The following SNTB2 variants were observed in gnomAD, a reference collection of about 807,000 sequenced individuals.
SNTB2 encodes syntrophin beta 2, also known as beta-2-syntrophin.
Under a neutral mutation model 46.2 loss-of-function variants are expected in SNTB2, and 34 were observed. That is an observed-to-expected ratio of 0.74 (90% confidence interval 0.56 to 0.98). The LOEUF (loss-of-function observed/expected upper bound fraction) is 0.98, where lower values mean the gene tolerates loss of function less well. Ranked by LOEUF, SNTB2 falls within the 50% of genes least tolerant of loss-of-function variation. The pLI is 0.00. For missense variants in SNTB2, 603 were observed against 731.4 expected (o/e 0.82, Z 2.02); for synonymous variants, 290 against 312.6 (o/e 0.93, Z 0.76).
At chr16:69,217,005 A>C (rs1185965987) in intron 1 of SNTB2, among the ~76,000 whole-genome samples, 1 of 152,078 alleles carries the variant, frequency 6.6e-6, no homozygotes, top group Non-Finnish European at 1.5e-5. Context: ...AAGCCTACTG[A>C]CTTAAATATT....
At chr16:69,239,823 G>T (rs1207032349) in intron 1 of SNTB2, among the ~76,000 whole-genome samples, 3 of 152,108 alleles carry the variant, frequency 2.0e-5, no homozygotes, top group Non-Finnish European at 2.9e-5. Flanking sequence ...GGGATTACAG[G>T]CATGAGCCAC....
At chr16:69,207,298 C>T (rs1324529538) in intron 1 of SNTB2, among the ~76,000 whole-genome samples, 4 of 151,604 alleles carry the variant, frequency 2.6e-5, no homozygotes, top group African/African-American at 4.8e-5. Flanking sequence ...GGACTATAGG[C>T]GTGTGCCACC....
intron 2 of SNTB2, among the ~76,000 whole-genome samples, chr16:69,246,339 C>T (rs985838249): frequency 4.0e-5 from 6 of 151,802 alleles, no homozygotes; most frequent in African/African-American, 1.5e-4. Context: ...TTGTCTTTGG[C>T]TCTGTTTATA....
intron 3 of SNTB2, among the ~76,000 whole-genome samples, chr16:69,265,608 C>G (rs541513478): frequency 6.6e-6 from 1 of 152,088 alleles, no homozygotes; most frequent in East Asian, 1.9e-4. Flanking sequence ...GCAGGCGTAT[C>G]ACGAGGTCAG....
intron 1 of SNTB2, among the ~76,000 whole-genome samples, chr16:69,241,472 A>G (rs1964613897): frequency 6.7e-6 from 1 of 149,224 alleles, no homozygotes; most frequent in Non-Finnish European, 1.5e-5. Context: ...CACCATGCTC[A>G]GCACCAGCCT....
intron 2 of SNTB2, among the ~76,000 whole-genome samples, chr16:69,246,375 G>A (rs534230399): frequency 5.3e-5 from 8 of 151,740 alleles, no homozygotes; most frequent in Admixed American, 2.6e-4. Flanking sequence ...ATTGATTTGC[G>A]TATATTGAAC....
intron 1 of SNTB2, among the ~76,000 whole-genome samples, chr16:69,202,607 G>A (rs1052134272): frequency 4.0e-5 from 6 of 151,492 alleles, no homozygotes; most frequent in Non-Finnish European, 1.5e-5. Context: ...ACGACGTCTC[G>A]CTCTGTCTCC....
intron 1 of SNTB2, 125 bp downstream of exon 1, chr16:69,187,871 T>A (rs1021018693): frequency 1.3e-6 from 1 of 775,476 alleles, no homozygotes; most frequent in Non-Finnish European, 1.9e-6. Flanking sequence ...AACCCGGGTT[T>A]CTGGAGCTTT....
intron 1 of SNTB2, among the ~76,000 whole-genome samples, chr16:69,209,925 A>G (rs1964262325): frequency 6.6e-6 from 1 of 151,862 alleles, no homozygotes; most frequent in African/African-American, 2.4e-5. Flanking sequence ...TTAGCAAGAT[A>G]GTGTAGACAT....
intron 4 of SNTB2, among the ~76,000 whole-genome samples, chr16:69,278,889 AGTGTGTGTGTGTGTGTGTGT>A (rs71148981): frequency 7.1e-6 from 1 of 141,002 alleles, no homozygotes; most frequent in South Asian, 2.4e-4. Flanking sequence ...AGGTGGGAAG[AGTGTGTGTGTGTGTGTGTGT>A]GTGTGTGTGT....
At position 69,207,154 on chromosome 16, in the gene SNTB2, C is replaced by CTTTCTTT. The variant is rs771500331; in HGVS notation, c.580+19411_580+19412insCTTTTTT. ...TCCTTTTCTTTTCTTTTCTTTCTTTCTTTTTTTTTTTTTTTTGAGAGATGG... is the reference window on the plus strand; with the variant it reads ...TCCTTTTCTTTTCTTTTCTTTCTTTCTTTCTTTTTTTTTTTTTTTTTTTGAGAGATGG... On this transcript the variant is annotated intron_variant, in intron 1 of 6. Coordinates refer to ENST00000336278, the MANE Select transcript of SNTB2 (RefSeq NM_006750.4). Among the ~76,000 whole-genome samples, 862 of 126,460 alleles carry CTTTCTTT rather than the reference C, an allele frequency of 6.8e-3. 13 individuals are homozygous for CTTTCTTT. The highest frequency in any genetic ancestry group is 0.01 in the Non-Finnish European group (632 of 60,304). 83.0% of individuals were successfully genotyped at this position (126,460 alleles called of 152,430 possible).
intron 1 of SNTB2, among the ~76,000 whole-genome samples, chr16:69,239,940 A>G (rs188177456): frequency 4.6e-5 from 7 of 152,262 alleles, no homozygotes; most frequent in African/African-American, 1.7e-4. Flanking sequence ...GATTCATCCA[A>G]GTTACTGAGT....
Position 69,199,241 on chromosome 16 carries a change from T to C in SNTB2, c.580+11495T>C, listed in dbSNP as rs187361611. 3.3e-5 allele frequency among the ~76,000 whole-genome samples: 5 copies of C among 152,230 alleles called. No homozygotes were observed. In the East Asian group the frequency reaches 9.7e-4, roughly 29 times the overall value. ...TAAAAATATTTTAGCTATAATTGAA[T>C]CTTAGTTTGATGATTCAGATGGAAC... is the stretch of plus-strand genomic sequence containing the variant. On this transcript the variant is annotated intron_variant, in intron 1 of 6. Coordinates refer to ENST00000336278, the MANE Select transcript of SNTB2 (RefSeq NM_006750.4).
At chr16:69,259,845 G>A (rs1334575051) in intron 2 of SNTB2, among the ~76,000 whole-genome samples, 1 of 151,138 alleles carries the variant, frequency 6.6e-6, no homozygotes, top group East Asian at 1.9e-4. Flanking sequence ...CCTGAGCTCA[G>A]GCAATCCCCC....
At chr16:69,187,871 T>G (rs1021018693) in intron 1 of SNTB2, 125 bp downstream of exon 1, 24 of 775,356 alleles carry the variant, frequency 3.1e-5, no homozygotes, top group Non-Finnish European at 3.9e-5. Context: ...AACCCGGGTT[T>G]CTGGAGCTTT....
intron 1 of SNTB2, among the ~76,000 whole-genome samples, chr16:69,240,093 G>T (rs534425462): frequency 6.6e-6 from 1 of 152,106 alleles, no homozygotes. Context: ...GAACATTAGT[G>T]TACAGGCTTT....
intron 2 of SNTB2, among the ~76,000 whole-genome samples, chr16:69,254,558 A>G (rs2143071306): frequency 6.6e-6 from 1 of 152,336 alleles, no homozygotes; most frequent in Non-Finnish European, 1.5e-5. Flanking sequence ...AAAACTTGAC[A>G]AGTTGAACCT....
intron 3 of SNTB2, among the ~76,000 whole-genome samples, chr16:69,265,203 C>G (rs958276343): frequency 4.0e-5 from 6 of 151,836 alleles, no homozygotes; most frequent in African/African-American, 9.7e-5. Context: ...GAGCCGAGAT[C>G]GCGCCACTGC....
Position 69,292,390 on chromosome 16 carries a change from T to TCA in SNTB2, c.1346-7200_1346-7199insCA, listed in dbSNP as rs1491243599. 3.9e-4 allele frequency among the ~76,000 whole-genome samples: 5 copies of TCA among 12,750 alleles called. 1 individual carries two copies. The highest frequency in any genetic ancestry group is 6.0e-4 in the Non-Finnish European group (5 of 8,372). The allele number at this position is 12,750 out of a possible 152,430, so 8.4% of individuals were successfully genotyped here. ...TATATATATATATATTATATATATA[T>TCA]TATATATATATATATATTATATATA... On this transcript the variant is annotated intron_variant, in intron 5 of 6. Coordinates refer to ENST00000336278, the MANE Select transcript of SNTB2 (RefSeq NM_006750.4).
Sources: allele counts gnomAD v4.1 joint callset (sites outside exome capture counted in the v4.1 genomes callset), GRCh38; gene constraint gnomAD v4.1.1; transcripts MANE v1.5; gene names NCBI Gene and HGNC (gene_info 2026-07-23, HGNC 2026-07-21).